ZNF292: variants seen among roughly 807,000 people sequenced by gnomAD.
ZNF292 encodes the protein 16 zinc-finger domain protein.
Under a neutral mutation model 217.9 loss-of-function variants are expected in ZNF292, and 26 were observed. That is an observed-to-expected ratio of 0.12 (90% CI 0.09 to 0.17). The LOEUF is 0.17. Ranked by LOEUF, ZNF292 falls within the 10% of genes least tolerant of loss-of-function variation. The pLI is 1.00. For missense variants in ZNF292, 2,904 were observed against 3,175.2 expected (o/e 0.91, Z 2.05); for synonymous variants, 1,257 against 1,124.1 (o/e 1.12, Z -2.37).
Position 87,265,834 on chromosome 6 carries a change from C to T in ZNF292, c.*4033C>T, listed in dbSNP as rs1268025208. Among the ~76,000 whole-genome samples, 1 of 152,150 alleles carries T rather than the reference C, an allele frequency of 6.6e-6. No homozygotes were observed. Among genetic ancestry groups the T allele is most frequent in the Non-Finnish European group, 1.5e-5 (1 of 68,018 alleles). On this transcript the variant is annotated 3_prime_UTR_variant, in exon 8 of 8. Transcript: ENST00000369577. ...ATATCCCAATGGGTTGATTCCTTTG[C>T]TGTATTGGTTGTTAATGTTTTGAAT...
chr6:87,199,163 A>T (rs879561076), intron 1 of ZNF292, among the ~76,000 whole-genome samples: 2 of 152,226 alleles, frequency 1.3e-5, no homozygotes, highest in African/African-American at 2.4e-5. Flanking sequence ...ACTCACCAAC[A>T]CTTGATATTG....
intron 5 of ZNF292, among the ~76,000 whole-genome samples, chr6:87,238,633 GTATTTATTTTTTTTATTTTTT>G (rs1774021721): frequency 9.6e-6 from 1 of 103,766 alleles, no homozygotes; most frequent in African/African-American, 4.0e-5. Flanking sequence ...TTTTCAGTAA[GTATTTATTTTTTTTATTTTTT>G]TATTTTTTTA....
chr6:87,157,518 A>C (rs944114739), intron 1 of ZNF292, among the ~76,000 whole-genome samples: 1 of 152,312 alleles, frequency 6.6e-6, no homozygotes, highest in East Asian at 1.9e-4. Context: ...TTTTCCCCTA[A>C]TAGTGTCCAC....
chr6:87,235,833 C>T (rs1773879109), intron 5 of ZNF292, among the ~76,000 whole-genome samples: 1 of 152,014 alleles, frequency 6.6e-6, no homozygotes, highest in Non-Finnish European at 1.5e-5. Flanking sequence ...TTATATACTC[C>T]ATCCCAGGAA....
Position 87,262,035 on chromosome 6 carries a change from CCT to C in ZNF292, c.*236_*237del. ...CAGTTATTGTAAATAGTGAGCTAAA[CCT>C]CAAATTTCTATCACCCAGTTGCCCT... On this transcript the variant is annotated 3_prime_UTR_variant, in exon 8 of 8. Coordinates refer to ENST00000369577, the MANE Select transcript of ZNF292 (RefSeq NM_015021.3). 1 of 296,158 alleles carries C rather than the reference CCT, an allele frequency of 3.4e-6. No individual in the cohort carries two copies. Among genetic ancestry groups the C allele is most frequent in the Non-Finnish European group, 6.2e-6 (1 of 160,526 alleles). 18.3% of individuals were successfully genotyped at this position (296,158 alleles called of 1,614,324 possible).
chr6:87,211,287 T>C (rs1431573821), intron 1 of ZNF292, among the ~76,000 whole-genome samples: 2 of 152,208 alleles, frequency 1.3e-5, no homozygotes, highest in Admixed American at 1.3e-4. Context: ...AACTTCAACC[T>C]AGTGGTCCTG....
chr6:87,255,803 A>G lies in ZNF292; in HGVS notation c.2174A>G (p.Gln725Arg), dbSNP rs1375463548. 1 of 1,613,876 alleles carries G rather than the reference A, an allele frequency of 6.2e-7. No individual in the cohort carries two copies. Among genetic ancestry groups the G allele is most frequent in the African/African-American group, 1.3e-5 (1 of 75,066 alleles). The change falls in exon 8 of 8, where the codon CAG becomes CGG. Residue 725 changes from glutamine (Q) to arginine (R), a missense_variant. By Grantham distance (43) the Gln-to-Arg change is conservative. This residue lies in a region of ZNF292 where 216 missense variants were observed against 308.3 expected (regional missense o/e 0.70). Coordinates refer to ENST00000369577, the MANE Select transcript of ZNF292 (RefSeq NM_015021.3). Reference sequence around the variant, plus strand: ...ATGCAGAGCAAAAAAGTTATTTGCCAGTACTGTAGGCGGCATTTTGTGAGT... The same window carrying G: ...ATGCAGAGCAAAAAAGTTATTTGCCGGTACTGTAGGCGGCATTTTGTGAGT... ...LEMQSKKVIC[Q>R]YCRRHFVSVT...
At chr6:87,227,612 G>A (rs1201485235) in intron 4 of ZNF292, among the ~76,000 whole-genome samples, 1 of 151,956 alleles carries the variant, frequency 6.6e-6, no homozygotes, top group Non-Finnish European at 1.5e-5. Flanking sequence ...TTAGCCCTCA[G>A]CCCCTGTAAC....
chr6:87,261,288 A>T lies in ZNF292; in HGVS notation c.7659A>T (p.Ala2553=), dbSNP rs368720934. 1.8e-4 allele frequency: 298 copies of T among 1,613,142 alleles called. No homozygotes were observed. Among genetic ancestry groups the T allele is most frequent in the Non-Finnish European group, 2.4e-4 (283 of 1,179,640 alleles). The change falls in exon 8 of 8, where the codon GCA becomes GCT. Residue 2553 remains alanine, a synonymous_variant. Coordinates refer to ENST00000369577, the MANE Select transcript of ZNF292 (RefSeq NM_015021.3). ...KKRKVEKAEP[A]SAAELSSVRK... is the part of the protein sequence containing the mutation. ...GGAAAGTTGAAAAAGCTGAACCAGC[A>T]TCAGCAGCTGAGTTAAGTAGCGTGC... is the stretch of plus-strand genomic sequence containing the variant.
intron 1 of ZNF292, 121 bp downstream of exon 1, chr6:87,155,880 G>C (rs1366291332): frequency 7.8e-7 from 1 of 1,284,694 alleles, no homozygotes; most frequent in Non-Finnish European, 1.0e-6. Context: ...CTCCGCCTGG[G>C]TGGGAGCGGG....
intron 2 of ZNF292, 81 bp downstream of exon 2, chr6:87,216,138 C>G (rs1772758028): frequency 1.3e-6 from 1 of 778,438 alleles, no homozygotes; most frequent in Admixed American, 4.5e-5. Context: ...CACACACACA[C>G]ACACACACAC....
At chr6:87,233,894 CTT>C (rs1461663926) in intron 5 of ZNF292, among the ~76,000 whole-genome samples, 3 of 152,086 alleles carry the variant, frequency 2.0e-5, no homozygotes, top group Non-Finnish European at 2.9e-5. Context: ...ATTTAAGTAA[CTT>C]TATAGAATTT....
intron 1 of ZNF292, among the ~76,000 whole-genome samples, chr6:87,199,440 G>T (rs987581583): frequency 1.3e-5 from 2 of 152,040 alleles, no homozygotes; most frequent in African/African-American, 4.8e-5. Flanking sequence ...CCTATGGCTT[G>T]GCTTTTCATT....
intron 1 of ZNF292, among the ~76,000 whole-genome samples, chr6:87,186,704 A>C (rs953472388): frequency 1.2e-4 from 19 of 152,170 alleles, no homozygotes; most frequent in African/African-American, 4.6e-4. Flanking sequence ...TGATCATGCC[A>C]CAGCACTACA....
chr6:87,216,200 G>T lies in ZNF292; in HGVS notation c.324-99G>T. 3.8e-6 allele frequency: 5 copies of T among 1,311,442 alleles called. No individual in the cohort carries two copies. In the South Asian group the frequency reaches 5.4e-5, roughly 14 times the overall value. The allele number at this position is 1,311,442 out of a possible 1,614,324, so 81.2% of individuals were successfully genotyped here. On this transcript the variant is annotated intron_variant, in intron 2 of 7. Transcript: ENST00000369577. ...TTATAGTTTAATTTTAAATAGATTAGTTATGGGGAGTCTGCTTATGATACT... is the reference window on the plus strand; with the variant it reads ...TTATAGTTTAATTTTAAATAGATTATTTATGGGGAGTCTGCTTATGATACT...
At chr6:87,192,507 G>T (rs4707345) in intron 1 of ZNF292, among the ~76,000 whole-genome samples, 1 of 151,676 alleles carries the variant, frequency 6.6e-6, no homozygotes, top group African/African-American at 2.4e-5. Flanking sequence ...ACGATTTTAC[G>T]TTTTTTATCA....
chr6:87,176,275 A>G (rs1413577912), intron 1 of ZNF292, among the ~76,000 whole-genome samples: 1 of 152,228 alleles, frequency 6.6e-6, no homozygotes, highest in Admixed American at 6.5e-5. Flanking sequence ...CAGTGCTTGG[A>G]TTTGATGAAG....
In ZNF292 at chr6:87,233,353, C is replaced by T. The variant is rs1184897482; in HGVS notation, c.567C>T (p.Pro189=). 6.2e-7 allele frequency: 1 copy of T among 1,610,752 alleles called. No homozygotes were observed. The highest frequency in any genetic ancestry group is 1.3e-5 in the African/African-American group (1 of 74,832). The change falls in exon 5 of 8, where the codon CCC becomes CCT. Residue 189 remains proline (P), a synonymous_variant. Coordinates refer to ENST00000369577, the MANE Select transcript of ZNF292 (RefSeq NM_015021.3). The stretch of plus-strand genomic sequence containing the variant: ...ATGAATTTTTAGCTTTTGAGGGTCC[C>T]ATCTTGTTGGATATGAGAATTAAAC... ...KVNEFLAFEG[P]ILLDMRIKHL...
At chr6:87,252,787 A>C (rs1284646920) in intron 7 of ZNF292, among the ~76,000 whole-genome samples, 1 of 152,212 alleles carries the variant, frequency 6.6e-6, no homozygotes, top group Non-Finnish European at 1.5e-5. Context: ...TTACTGTACA[A>C]GTTTTAAGGC....
Sources: gnomAD v4.1 joint callset for allele counts (sites outside exome capture counted in the v4.1 genomes callset) on GRCh38, gnomAD v4.1.1 for gene constraint, gnomAD v4.1.1 regional missense constraint, MANE v1.5 for transcripts, NCBI Gene and HGNC (gene_info 2026-07-23, HGNC 2026-07-21) for gene names.